The following NOP58 variants were observed in gnomAD, a reference collection of about 807,000 sequenced individuals.
The protein encoded by NOP58 is NOP58 ribonucleoprotein, also known as nucleolar protein 58.
Under a neutral mutation model 71.2 loss-of-function variants are expected in NOP58, and 44 were observed. The ratio of observed to expected loss-of-function variants is 0.62; its 90% CI spans 0.49 to 0.79. The LOEUF is 0.79. NOP58 is among the 30% of genes least tolerant of loss of function. NOP58 has a pLI of 0.00. For synonymous variants in NOP58, 228 were observed against 200.3 expected (o/e 1.14, Z -1.17); for missense variants, 538 against 620.2 (o/e 0.87, Z 1.41).
intron 2 of NOP58, among the ~76,000 whole-genome samples, chr2:202,276,209 A>T (rs1688586523): frequency 6.6e-6 from 1 of 151,880 alleles, no homozygotes; most frequent in African/African-American, 2.4e-5. Flanking sequence ...GTGGTGGCAC[A>T]TGCCTGTAAT....
chr2:202,271,524 G>A (rs1018307683), intron 1 of NOP58, among the ~76,000 whole-genome samples: 1 of 151,726 alleles, frequency 6.6e-6, no homozygotes, highest in Non-Finnish European at 1.5e-5. Context: ...CTGAGATCAC[G>A]CCACTGCGGT....
At chr2:202,288,946 C>G (rs894952429) in intron 6 of NOP58, among the ~76,000 whole-genome samples, 2 of 152,042 alleles carry the variant, frequency 1.3e-5, no homozygotes, top group African/African-American at 2.4e-5. Flanking sequence ...TGGCGAAACC[C>G]TGTCTTTACT....
chr2:202,291,212 C>CT lies in NOP58; in HGVS notation c.722_723insT (p.Met242AsnfsTer22), dbSNP rs1688883146. On this transcript the variant is annotated frameshift_variant, in exon 8 of 15. Coordinates refer to ENST00000264279, the MANE Select transcript of NOP58 (RefSeq NM_015934.5). LOFTEE classifies it high-confidence loss of function. ...GAAGTGAAAGCAGCTGCAGAGATAT[C>CT]AATGGGAACAGAGGTTTCAGAAGAA... is the stretch of plus-strand genomic sequence containing the variant. 1 of 1,612,492 alleles carries CT rather than the reference C, an allele frequency of 6.2e-7. No individual in the cohort carries two copies. The highest frequency in any genetic ancestry group is 1.3e-5 in the African/African-American group (1 of 74,850).
chr2:202,292,758 A>G lies in NOP58; in HGVS notation c.781-19A>G, dbSNP rs1323297201. ...TTACTCATATGATATTTGTGACTTA[A>G]CTTTATTCCTTATACTAGGTGATTG... On this transcript the variant is annotated intron_variant, in intron 8 of 14. Transcript: ENST00000264279. 6.3e-7 allele frequency: 1 copy of G among 1,597,632 alleles called. No individual in the cohort carries two copies. Among genetic ancestry groups the G allele is most frequent in the East Asian group, 2.2e-5 (1 of 44,808 alleles).
At chr2:202,302,083 CTTTTTTTT>C (rs71031885) in intron 13 of NOP58, among the ~76,000 whole-genome samples, 3 of 90,586 alleles carry the variant, frequency 3.3e-5, no homozygotes, top group African/African-American at 9.2e-5. Flanking sequence ...TTTTTTTTTT[CTTTTTTTT>C]TTTTTTTTTT....
intron 3 of NOP58, among the ~76,000 whole-genome samples, chr2:202,280,237 A>G (rs1688677779): frequency 6.6e-6 from 1 of 152,166 alleles, no homozygotes; most frequent in Admixed American, 6.5e-5. Context: ...ACAGTGACTA[A>G]CACCTGTAAT....
chr2:202,278,668 G>A (rs550917163), intron 3 of NOP58, among the ~76,000 whole-genome samples: 1 of 152,226 alleles, frequency 6.6e-6, no homozygotes, highest in South Asian at 2.1e-4. Context: ...CAGATATAAA[G>A]CCCAAATCAT....
intron 6 of NOP58, 150 bp from the exon 7 acceptor site, chr2:202,290,173 C>T: frequency 1.7e-6 from 1 of 585,822 alleles, no homozygotes; most frequent in Non-Finnish European, 2.9e-6. Context: ...CCAGGCTGGT[C>T]TTGAACTTCT....
At chr2:202,267,052 A>G (rs1688428974) in intron 1 of NOP58, among the ~76,000 whole-genome samples, 1 of 152,174 alleles carries the variant, frequency 6.6e-6, no homozygotes, top group South Asian at 2.1e-4. Context: ...CAAGTTCGTC[A>G]GCACTGAAAT....
At chr2:202,292,630 A>G in intron 8 of NOP58, 147 bp from the exon 9 acceptor site, 1 of 614,772 alleles carries the variant, frequency 1.6e-6, no homozygotes, top group Non-Finnish European at 2.8e-6. Context: ...AAAAAAAAGA[A>G]AACTGATGTT....
chr2:202,293,113 G>T (rs1185431521), intron 9 of NOP58: 1 of 731,620 alleles, frequency 1.4e-6, no homozygotes, highest in Non-Finnish European at 2.5e-6. Context: ...GGCATCTTTA[G>T]TCACTACCTC....
chr2:202,298,587 C>T (rs1051396781), intron 12 of NOP58, among the ~76,000 whole-genome samples: 3 of 152,116 alleles, frequency 2.0e-5, no homozygotes, highest in Admixed American at 6.5e-5. Context: ...GAGCTGAGAT[C>T]GCGCCCCTGC....
chr2:202,281,240 C>A (rs886461872), intron 3 of NOP58, among the ~76,000 whole-genome samples: 2 of 151,586 alleles, frequency 1.3e-5, no homozygotes, highest in African/African-American at 2.4e-5. Flanking sequence ...GATTCTCCTA[C>A]CTCAGCCTCC....
intron 8 of NOP58, 35 bp from the exon 9 acceptor site, chr2:202,292,742 T>C (rs368810710): frequency 1.2e-5 from 19 of 1,564,786 alleles, no homozygotes; most frequent in East Asian, 2.2e-5. Context: ...TTTACTCATA[T>C]GATATTTGTG....
chr2:202,291,806 C>CAAAAAA (rs1161178890), intron 8 of NOP58, among the ~76,000 whole-genome samples: 7 of 41,880 alleles, frequency 1.7e-4, no homozygotes, highest in East Asian at 8.5e-4. Context: ...AACTCCATCT[C>CAAAAAA]AAAAAAAAAA....
At chr2:202,299,315 A>G (rs540735228) in intron 12 of NOP58, among the ~76,000 whole-genome samples, 2 of 152,324 alleles carry the variant, frequency 1.3e-5, no homozygotes, top group South Asian at 4.1e-4. Flanking sequence ...TAATTAATAT[A>G]TAGAACATTA....
At chr2:202,273,658 G>A (rs767308191) in intron 1 of NOP58, among the ~76,000 whole-genome samples, 1 of 152,074 alleles carries the variant, frequency 6.6e-6, no homozygotes, top group African/African-American at 2.4e-5. Context: ...AACAATACAA[G>A]GCGGCTGGGT....
intron 3 of NOP58, chr2:202,278,350 G>C (rs1485554308): frequency 2.1e-6 from 1 of 475,678 alleles, no homozygotes; most frequent in Non-Finnish European, 4.3e-6. Context: ...CAAGTATACA[G>C]CTCTCTCCTC....
At chr2:202,300,130 G>A in intron 12 of NOP58, 104 bp from the exon 13 acceptor site, 1 of 952,968 alleles carries the variant, frequency 1.0e-6, no homozygotes, top group South Asian at 1.5e-5. Flanking sequence ...ACAACATTGT[G>A]TGCTTATGTA....
Sources: gnomAD v4.1 joint callset for allele counts (sites outside exome capture counted in the v4.1 genomes callset) on GRCh38, gnomAD v4.1.1 for gene constraint, MANE v1.5 for transcripts, NCBI Gene and HGNC (gene_info 2026-07-23, HGNC 2026-07-21) for gene names.